Variants in DCLK2 observed in about 807,000 individuals in gnomAD.
DCLK2 encodes the protein serine/threonine-protein kinase DCLK2.
DCLK2 carries 31 observed loss-of-function variants against 78.4 expected under a neutral mutation model. The ratio of observed to expected loss-of-function variants is 0.40; its 90% CI spans 0.30 to 0.53. The LOEUF is 0.53. Among genes scored for constraint, DCLK2 ranks in the 20% least tolerant of loss-of-function variants. DCLK2 has a pLI of 0.61. For synonymous variants in DCLK2, 407 were observed against 374.9 expected (o/e 1.09, Z -0.99); for missense variants, 872 against 973.7 (o/e 0.90, Z 1.39).
intron 1 of DCLK2, among the ~76,000 whole-genome samples, chr4:150,102,143 C>T (rs541134198): frequency 6.6e-6 from 1 of 152,238 alleles, no homozygotes; most frequent in Non-Finnish European, 1.5e-5. Flanking sequence ...TCAGGAAGTA[C>T]TTTAGAATTC....
At chr4:150,227,098 G>T (rs915506421) in intron 8 of DCLK2, among the ~76,000 whole-genome samples, 4 of 152,140 alleles carry the variant, frequency 2.6e-5, no homozygotes, top group African/African-American at 9.7e-5. Context: ...AGATTAAATA[G>T]CTTCCAAAAA....
At chr4:150,188,780 C>T (rs1738152371) in intron 2 of DCLK2, among the ~76,000 whole-genome samples, 1 of 151,732 alleles carries the variant, frequency 6.6e-6, no homozygotes, top group South Asian at 2.1e-4. Context: ...CAGTGGGCGC[C>T]TGTAATCCCA....
intron 5 of DCLK2, among the ~76,000 whole-genome samples, chr4:150,215,457 A>G (rs1740625754): frequency 6.6e-6 from 1 of 152,180 alleles, no homozygotes; most frequent in African/African-American, 2.4e-5. Context: ...TTTGGGTTTG[A>G]TTAATTTGCA....
chr4:150,166,333 T>G (rs539742193), intron 2 of DCLK2, among the ~76,000 whole-genome samples: 50 of 151,980 alleles, frequency 3.3e-4, no homozygotes, highest in African/African-American at 1.1e-3. Flanking sequence ...CTACATAAAA[T>G]TTTTAAAAAA....
chr4:150,177,728 A>G (rs1426876653), intron 2 of DCLK2, among the ~76,000 whole-genome samples: 1 of 152,238 alleles, frequency 6.6e-6, no homozygotes, highest in Non-Finnish European at 1.5e-5. Flanking sequence ...TAGTGAAAAA[A>G]GAAAATTGTA....
At chr4:150,239,122 G>A (rs1742714815) in intron 10 of DCLK2, among the ~76,000 whole-genome samples, 1 of 152,078 alleles carries the variant, frequency 6.6e-6, no homozygotes, top group South Asian at 2.1e-4. Context: ...CGCCTATCAG[G>A]TACACAGCCG....
At chr4:150,179,936 C>T (rs941383480) in intron 2 of DCLK2, among the ~76,000 whole-genome samples, 1 of 91,610 alleles carries the variant, frequency 1.1e-5, no homozygotes, top group Non-Finnish European at 2.2e-5. Flanking sequence ...TATGATATTA[C>T]TTAGAAGTTG....
At chr4:150,204,718 C>G (rs1739715911) in intron 5 of DCLK2, among the ~76,000 whole-genome samples, 1 of 151,938 alleles carries the variant, frequency 6.6e-6, no homozygotes, top group African/African-American at 2.4e-5. Flanking sequence ...ATAGTGAAAC[C>G]CTGACTCTAC....
intron 2 of DCLK2, among the ~76,000 whole-genome samples, chr4:150,145,040 C>A (rs1734370062): frequency 1.3e-5 from 2 of 152,150 alleles, no homozygotes; most frequent in South Asian, 4.1e-4. Flanking sequence ...TTGACAATTT[C>A]TTTCATTACT....
At chr4:150,128,992 GTAA>G (rs1419320560) in intron 2 of DCLK2, among the ~76,000 whole-genome samples, 1 of 152,100 alleles carries the variant, frequency 6.6e-6, no homozygotes, top group Non-Finnish European at 1.5e-5. Flanking sequence ...AGCATTGTGG[GTAA>G]ACACTACCTT....
chr4:150,190,043 A>AAAAAAT, intron 2 of DCLK2, among the ~76,000 whole-genome samples: 1 of 135,188 alleles, frequency 7.4e-6, no homozygotes, highest in African/African-American at 2.6e-5. Flanking sequence ...TCAAAAAAAA[A>AAAAAAT]AAAAAAAAGG....
intron 12 of DCLK2, among the ~76,000 whole-genome samples, chr4:150,245,418 T>C (rs2126616265): frequency 6.6e-6 from 1 of 152,020 alleles, no homozygotes; most frequent in South Asian, 2.1e-4. Context: ...GTGCCCAACG[T>C]GCAGGTTTGT....
At chr4:150,240,832 A>G (rs963072589) in intron 12 of DCLK2, among the ~76,000 whole-genome samples, 6 of 151,474 alleles carry the variant, frequency 4.0e-5, no homozygotes, top group African/African-American at 1.2e-4. Context: ...TTTACAGCCT[A>G]TTAATGTATA....
At chr4:150,131,751 C>T (rs1391498442) in intron 2 of DCLK2, among the ~76,000 whole-genome samples, 1 of 152,108 alleles carries the variant, frequency 6.6e-6, no homozygotes, top group Non-Finnish European at 1.5e-5. Context: ...TGGTCACTTC[C>T]TTGTTGCATC....
chr4:150,195,355 T>A (rs1430342497), intron 3 of DCLK2, among the ~76,000 whole-genome samples: 1 of 9,018 alleles, frequency 1.1e-4, no homozygotes, highest in East Asian at 1.5e-3. Context: ...ATATTATATA[T>A]TATATATATT....
intron 2 of DCLK2, among the ~76,000 whole-genome samples, chr4:150,160,286 G>C (rs756329284): frequency 6.6e-5 from 10 of 152,306 alleles, no homozygotes; most frequent in Middle Eastern, 3.4e-3. Context: ...CCAGAGTGCT[G>C]AGACTGCAAG....
chr4:150,225,573 G>A (rs549282027), intron 8 of DCLK2, among the ~76,000 whole-genome samples: 4 of 152,288 alleles, frequency 2.6e-5, no homozygotes, highest in South Asian at 4.1e-4. Context: ...TGAATGTAGC[G>A]AGTCTGGATT....
At chr4:150,080,592 C>G (rs1297545325) in intron 1 of DCLK2, among the ~76,000 whole-genome samples, 3 of 152,188 alleles carry the variant, frequency 2.0e-5, no homozygotes, top group Non-Finnish European at 4.4e-5. Flanking sequence ...GAACATCAAG[C>G]CAGATGTTTT....
At chr4:150,113,630 A>G (rs887568454) in intron 2 of DCLK2, among the ~76,000 whole-genome samples, 24 of 148,642 alleles carry the variant, frequency 1.6e-4, no homozygotes, top group African/African-American at 5.9e-4. Context: ...GTGTATTTGA[A>G]TCTTCTCTCT....
Sources: allele counts gnomAD v4.1 joint callset (sites outside exome capture counted in the v4.1 genomes callset), GRCh38; gene constraint gnomAD v4.1.1; transcripts MANE v1.5; gene names NCBI Gene and HGNC (gene_info 2026-07-23, HGNC 2026-07-21).